Variants in RGS9 observed in about 807,000 individuals in gnomAD.
RGS9 encodes the protein regulator of G protein signaling 9.
A neutral mutation model predicts 102.0 loss-of-function variants in RGS9; 78 were observed. The ratio of observed to expected loss-of-function variants is 0.76; its 90% CI spans 0.64 to 0.92. The LOEUF is 0.92. Among genes scored for constraint, RGS9 ranks in the 40% least tolerant of loss-of-function variants. RGS9 has a pLI of 0.00. For missense variants in RGS9, 833 were observed against 866.1 expected, an observed-to-expected ratio of 0.96 and a Z score of 0.48; for synonymous variants, 353 against 318.6, an observed-to-expected ratio of 1.11 and a Z score of -1.15.
chr17:65,150,664 C>T (rs1910543645), intron 1 of RGS9, among the ~76,000 whole-genome samples: 1 of 152,124 alleles, frequency 6.6e-6, no homozygotes, highest in South Asian at 2.1e-4. Context: ...GTCCTTCTCT[C>T]CTGCCCAGCT....
At chr17:65,212,080 C>T (rs375279494) in intron 17 of RGS9, among the ~76,000 whole-genome samples, 235 of 152,306 alleles carry the variant, frequency 1.5e-3, no homozygotes, top group African/African-American at 5.2e-3. Flanking sequence ...GGCAGAATCC[C>T]ATGCTGAAGA....
intron 17 of RGS9, among the ~76,000 whole-genome samples, chr17:65,222,907 C>T (rs556052835): frequency 6.6e-6 from 1 of 152,246 alleles, no homozygotes; most frequent in Admixed American, 6.5e-5. Context: ...CTGATGTGGC[C>T]GATCTGTAGA....
At chr17:65,197,838 G>A (rs964202290) in intron 13 of RGS9, among the ~76,000 whole-genome samples, 5 of 151,254 alleles carry the variant, frequency 3.3e-5, no homozygotes, top group Non-Finnish European at 5.9e-5. Context: ...CCTGGCTATT[G>A]TTTTGTATTT....
chr17:65,193,577 G>T lies in RGS9; in HGVS notation c.781G>T (p.Asp261Tyr), dbSNP rs1025115746. 1.9e-6 allele frequency: 3 copies of T among 1,613,760 alleles called. No homozygotes were observed. Among genetic ancestry groups the T allele is most frequent in the Non-Finnish European group, 2.5e-6 (3 of 1,179,726 alleles). ...ATACAGTGAGCAGTTCTCATCCAAC[G>T]ATGCCATCATGTCAGGCTGCCTCCC... ...VKYSEQFSSN[D>Y]AIMSGCLPSN... is the part of the protein sequence containing the mutation. The change falls in exon 12 of 19, where the codon GAT becomes TAT. Residue 261 changes from aspartate (D) to tyrosine (Y), a missense_variant. This residue lies in a region of RGS9 where 328 missense variants were observed against 340.6 expected (regional missense o/e 0.96). Transcript: ENST00000262406.
rs189856671 is a variant in RGS9, at chr17:65,178,440, G to C, written c.654+637G>C. On this transcript the variant is annotated intron_variant, in intron 9 of 18. Transcript: ENST00000262406. ...CAGTTCATAAGCTGTTGAGCCCATG[G>C]CCCTATTGACATTTTGGGCCAGATA... 1.4e-3 allele frequency among the ~76,000 whole-genome samples: 218 copies of C among 151,970 alleles called. 1 individual carries two copies. Among genetic ancestry groups the C allele is most frequent in the Admixed American group, 2.2e-3 (34 of 15,268 alleles).
intron 1 of RGS9, among the ~76,000 whole-genome samples, chr17:65,139,900 T>C (rs1176420648): frequency 6.6e-6 from 1 of 152,296 alleles, no homozygotes; most frequent in East Asian, 1.9e-4. Flanking sequence ...CGATCCTTAA[T>C]GAAGAACCAG....
chr17:65,184,602 T>G (rs1477935451), intron 9 of RGS9, among the ~76,000 whole-genome samples: 1 of 152,184 alleles, frequency 6.6e-6, no homozygotes, highest in South Asian at 2.1e-4. Context: ...AGCCAGGAAG[T>G]GGTAGGACTA....
chr17:65,174,886 G>A (rs990390839), intron 8 of RGS9, among the ~76,000 whole-genome samples: 1 of 152,138 alleles, frequency 6.6e-6, no homozygotes, highest in African/African-American at 2.4e-5. Flanking sequence ...GAGAGAGCGA[G>A]TATGTGAAAG....
chr17:65,194,486 A>T (rs529138733), intron 12 of RGS9, among the ~76,000 whole-genome samples: 16 of 152,236 alleles, frequency 1.1e-4, no homozygotes, highest in African/African-American at 3.9e-4. Context: ...TTAAAAAATC[A>T]TATGTATGGC....
chr17:65,221,211 G>A (rs1018571949), intron 17 of RGS9, among the ~76,000 whole-genome samples: 2 of 152,218 alleles, frequency 1.3e-5, no homozygotes, highest in African/African-American at 4.8e-5. Context: ...AGATGCTAGG[G>A]GAGGAGTGGA....
intron 1 of RGS9, among the ~76,000 whole-genome samples, chr17:65,138,321 C>A (rs1478196971): frequency 1.3e-5 from 2 of 152,176 alleles, no homozygotes; most frequent in African/African-American, 4.8e-5. Context: ...CGGGTCACAT[C>A]TTTGTCCTTC....
At chr17:65,205,592 A>G (rs1913023394) in intron 15 of RGS9, among the ~76,000 whole-genome samples, 2 of 151,984 alleles carry the variant, frequency 1.3e-5, no homozygotes, top group Non-Finnish European at 2.9e-5. Flanking sequence ...GACATAGGTT[A>G]CATGATGTAG....
chr17:65,202,412 T>TGAGGG (rs1347459130), intron 14 of RGS9, among the ~76,000 whole-genome samples: 1 of 123,458 alleles, frequency 8.1e-6, no homozygotes, highest in Non-Finnish European at 1.7e-5. Flanking sequence ...CTGAGGGGTG[T>TGAGGG]GTGTGTGTGT....
chr17:65,150,483 G>C (rs1197134953), intron 1 of RGS9, among the ~76,000 whole-genome samples: 1 of 152,058 alleles, frequency 6.6e-6, no homozygotes, highest in East Asian at 1.9e-4. Context: ...TTAGCTGGGC[G>C]TGGTGGCGGG....
chr17:65,148,124 G>T (rs1910440391), intron 1 of RGS9, among the ~76,000 whole-genome samples: 1 of 152,188 alleles, frequency 6.6e-6, no homozygotes, highest in Non-Finnish European at 1.5e-5. Flanking sequence ...TTTGATCTAT[G>T]AATCTGTCTA....
At chr17:65,176,884 GTCCATCCATCCA>G (rs113366621) in intron 8 of RGS9, among the ~76,000 whole-genome samples, 3 of 147,402 alleles carry the variant, frequency 2.0e-5, no homozygotes, top group South Asian at 2.2e-4. Flanking sequence ...CCATTCATCT[GTCCATCCATCCA>G]TCCATCCATC....
chr17:65,150,582 A>G (rs549494654), intron 1 of RGS9, among the ~76,000 whole-genome samples: 2 of 152,306 alleles, frequency 1.3e-5, no homozygotes, highest in African/African-American at 4.8e-5. Flanking sequence ...AGATCATGCC[A>G]CTGCACTCCA....
rs191297817 is a variant in RGS9 at position 65,216,592 on chromosome 17, G to A, written c.1407+5987G>A. Among the ~76,000 whole-genome samples the A allele has an allele frequency of 2.6e-3, 391 of 152,284 alleles. 3 individuals carry two copies. The Middle Eastern group carries it at 0.031, about 12-fold the overall frequency. ...GCAGAAGTTGCAGCGAGCTGAGATC[G>A]CGCCACTGCACTTCAGCCTGGGCAA... is the stretch of plus-strand genomic sequence containing the variant. On this transcript the variant is annotated intron_variant, in intron 17 of 18. Transcript: ENST00000262406.
intron 17 of RGS9, 82 bp from the exon 18 acceptor site, chr17:65,224,920 A>G: frequency 1.9e-6 from 3 of 1,581,246 alleles, no homozygotes; most frequent in Middle Eastern, 1.8e-4. Flanking sequence ...AAGGGGACTA[A>G]GTTAGCAGAG....
Sources: allele counts gnomAD v4.1 joint callset (sites outside exome capture counted in the v4.1 genomes callset), GRCh38; gene constraint gnomAD v4.1.1; regional missense constraint gnomAD v4.1.1; transcripts MANE v1.5; gene names NCBI Gene and HGNC (gene_info 2026-07-23, HGNC 2026-07-21).